Variants in PDE4B observed in about 807,000 individuals in gnomAD.
PDE4B encodes the protein 3',5'-cyclic-AMP phosphodiesterase 4B.
In PDE4B, 20 loss-of-function variants were observed where a neutral mutation model predicts 82.2. That is an observed-to-expected ratio of 0.24 (90% CI 0.17 to 0.35). The LOEUF (loss-of-function observed/expected upper bound fraction) is 0.35, where lower values mean the gene tolerates loss of function less well. Ranked by LOEUF, PDE4B falls within the 10% of genes least tolerant of loss-of-function variation. The pLI is 1.00. For synonymous variants in PDE4B, 320 were observed against 318.9 expected, an observed-to-expected ratio of 1.00 and a Z score of -0.04; for missense variants, 655 against 907.2, an observed-to-expected ratio of 0.72 and a Z score of 3.57.
At chr1:66,256,838 G>C (rs1055029011) in intron 4 of PDE4B, among the ~76,000 whole-genome samples, 7 of 152,216 alleles carry the variant, frequency 4.6e-5, no homozygotes, top group Admixed American at 3.3e-4. Context: ...GATTCACACT[G>C]TAATAGCAAA....
intron 7 of PDE4B, among the ~76,000 whole-genome samples, chr1:66,273,887 C>T (rs1364520857): frequency 1.3e-5 from 2 of 152,200 alleles, no homozygotes; most frequent in Non-Finnish European, 2.9e-5. Flanking sequence ...TGCTGACATC[C>T]CTTGCTAATC....
At chr1:65,877,472 G>A (rs1415272965) in intron 1 of PDE4B, among the ~76,000 whole-genome samples, 1 of 151,960 alleles carries the variant, frequency 6.6e-6, no homozygotes, top group Non-Finnish European at 1.5e-5. Context: ...AGAATTAGCT[G>A]GGCGTGGTGG....
chr1:66,217,105 G>T (rs998701773), intron 3 of PDE4B, among the ~76,000 whole-genome samples: 1 of 152,096 alleles, frequency 6.6e-6, no homozygotes, highest in African/African-American at 2.4e-5. Flanking sequence ...GAAGGGAAAT[G>T]GAGTGGTTTG....
At chr1:66,285,216 C>A (rs1656585979) in intron 7 of PDE4B, among the ~76,000 whole-genome samples, 1 of 151,978 alleles carries the variant, frequency 6.6e-6, no homozygotes, top group Admixed American at 6.6e-5. Flanking sequence ...GTAAATTTAC[C>A]CATATGACCC....
At chr1:65,938,630 A>G (rs1648280652) in intron 3 of PDE4B, among the ~76,000 whole-genome samples, 1 of 152,216 alleles carries the variant, frequency 6.6e-6, no homozygotes, top group Non-Finnish European at 1.5e-5. Flanking sequence ...AAAAAATTAT[A>G]AAACAGTGTC....
At chr1:66,019,356 C>T (rs369899019) in intron 3 of PDE4B, among the ~76,000 whole-genome samples, 15 of 124,730 alleles carry the variant, frequency 1.2e-4, no homozygotes, top group South Asian at 5.0e-4. Flanking sequence ...TATTGTTATT[C>T]TTTTTTTTTT....
chr1:65,867,617 G>A (rs1646526077), intron 1 of PDE4B, among the ~76,000 whole-genome samples: 1 of 152,122 alleles, frequency 6.6e-6, no homozygotes, highest in Non-Finnish European at 1.5e-5. Flanking sequence ...TTATCTTAAT[G>A]AACTATACAG....
intron 3 of PDE4B, among the ~76,000 whole-genome samples, chr1:66,017,344 C>G (rs1213212246): frequency 1.3e-5 from 2 of 151,944 alleles, no homozygotes; most frequent in Non-Finnish European, 2.9e-5. Flanking sequence ...GTAGACCTAG[C>G]CTATAATTTG....
intron 7 of PDE4B, among the ~76,000 whole-genome samples, chr1:66,298,321 C>T (rs511983): frequency 0.065 from 9,886 of 152,056 alleles, 1,026 homozygotes; most frequent in African/African-American, 0.22. Flanking sequence ...GAAAAGGAAG[C>T]TTGCCTGACT....
chr1:66,087,341 G>A (rs1450997745), intron 3 of PDE4B, among the ~76,000 whole-genome samples: 1 of 152,040 alleles, frequency 6.6e-6, no homozygotes, highest in East Asian at 1.9e-4. Flanking sequence ...TGATGGGGTT[G>A]TTTGTTTTTT....
intron 3 of PDE4B, among the ~76,000 whole-genome samples, chr1:65,960,170 G>T (rs1421786733): frequency 6.6e-6 from 1 of 152,180 alleles, no homozygotes; most frequent in Non-Finnish European, 1.5e-5. Context: ...CTGCGGGGGA[G>T]ATTCCAGAAG....
Position 66,146,173 on chromosome 1 carries a change from C to CTTTTTTT in PDE4B, c.282-101265_282-101259dup, listed in dbSNP as rs36027532. ...AGAAGGCCATTGCCTGGGTAGCATGCTTTTTTTTTTTTTTTTTTTTTTTTT... is the reference window on the plus strand; with the variant it reads ...AGAAGGCCATTGCCTGGGTAGCATGCTTTTTTTTTTTTTTTTTTTTTTTTTTTTTTTT... On this transcript the variant is annotated intron_variant, in intron 3 of 16. Transcript: ENST00000341517. Among the ~76,000 whole-genome samples the CTTTTTTT allele has an allele frequency of 3.7e-4, 18 of 49,240 alleles. 2 individuals carry two copies. The highest frequency in any genetic ancestry group is 5.4e-4 in the Non-Finnish European group (15 of 27,616). The allele number at this position is 49,240 out of a possible 152,430, so 32.3% of individuals were successfully genotyped here.
chr1:66,108,984 G>A (rs1645428440), intron 3 of PDE4B, among the ~76,000 whole-genome samples: 1 of 151,876 alleles, frequency 6.6e-6, no homozygotes, highest in African/African-American at 2.4e-5. Context: ...TCCATTATAT[G>A]CATTTTCTAC....
In PDE4B at chr1:66,260,041, C is replaced by G. The variant is rs147539333; in HGVS notation, c.584+2178C>G. 1.5e-4 allele frequency among the ~76,000 whole-genome samples: 23 copies of G among 152,228 alleles called. No individual in the cohort carries two copies. In the East Asian group the frequency reaches 4.2e-3, roughly 28 times the overall value. ...CAGCATCTTGCACAAAGTAGGTGCT[C>G]AATAAATGTGAGCTATTATAATGGA... On this transcript the variant is annotated intron_variant, in intron 6 of 16. Coordinates refer to ENST00000341517, the MANE Select transcript of PDE4B (RefSeq NM_002600.4).
chr1:65,871,793 T>A (rs1208304552), intron 1 of PDE4B, among the ~76,000 whole-genome samples: 1 of 152,174 alleles, frequency 6.6e-6, no homozygotes, highest in African/African-American at 2.4e-5. Context: ...CCAATAAAAA[T>A]CATGTAATAA....
intron 3 of PDE4B, among the ~76,000 whole-genome samples, chr1:65,977,037 G>A (rs1650445238): frequency 6.6e-6 from 1 of 152,192 alleles, no homozygotes; most frequent in Non-Finnish European, 1.5e-5. Context: ...CACTCACTAT[G>A]TTAACTGAAG....
chr1:66,189,238 T>C (rs514660), intron 3 of PDE4B, among the ~76,000 whole-genome samples: 147,903 of 151,986 alleles, frequency 0.97, 72,086 homozygotes, highest in Middle Eastern at 1. Context: ...GTGGGTAACC[T>C]GACCTTTCTC....
chr1:66,175,745 T>C (rs1646919717), intron 3 of PDE4B, among the ~76,000 whole-genome samples: 1 of 152,218 alleles, frequency 6.6e-6, no homozygotes, highest in Non-Finnish European at 1.5e-5. Flanking sequence ...TTCCTCTCTA[T>C]GCTATATAAT....
intron 3 of PDE4B, among the ~76,000 whole-genome samples, chr1:66,041,425 T>C (rs1197143264): frequency 6.6e-6 from 1 of 151,974 alleles, no homozygotes; most frequent in African/African-American, 2.4e-5. Context: ...CTCAAGTTTT[T>C]CGTCATTACA....
Sources: gnomAD v4.1 joint callset for allele counts (sites outside exome capture counted in the v4.1 genomes callset) on GRCh38, gnomAD v4.1.1 for gene constraint, MANE v1.5 for transcripts, NCBI Gene and HGNC (gene_info 2026-07-23, HGNC 2026-07-21) for gene names.